The following DOK5 variants were observed in gnomAD, a reference collection of about 807,000 sequenced individuals.
DOK5 encodes docking protein 5, also known as downstream of tyrosine kinase 5.
A neutral mutation model predicts 43.3 loss-of-function variants in DOK5; 27 were observed. The observed-to-expected ratio is 0.62, with a 90% CI of 0.46 to 0.86. The LOEUF (loss-of-function observed/expected upper bound fraction) is 0.86, where lower values mean the gene tolerates loss of function less well. Ranked by LOEUF, DOK5 falls within the 40% of genes least tolerant of loss-of-function variation. The pLI is 0.00. For missense variants in DOK5, 373 were observed against 392.9 expected, an observed-to-expected ratio of 0.95 and a Z score of 0.43; for synonymous variants, 146 against 140.1, an observed-to-expected ratio of 1.04 and a Z score of -0.30.
At chr20:54,572,552 C>G (rs1985317887) in intron 2 of DOK5, among the ~76,000 whole-genome samples, 1 of 152,062 alleles carries the variant, frequency 6.6e-6, no homozygotes, top group Admixed American at 6.6e-5. Context: ...ATGAGGTGTT[C>G]AGAACGTAAT....
rs1982246901 is a variant in DOK5, at chr20:54,492,941, G to GC, written c.66+16929_66+16930insC. Reference sequence around the variant, plus strand: ...GTGGTGGCGGGCGCCTGTAATCCCAGTTACTCGAAAGGCTGAGGCAGGAGA... The same window carrying GC: ...GTGGTGGCGGGCGCCTGTAATCCCAGCTTACTCGAAAGGCTGAGGCAGGAGA... On this transcript the variant is annotated intron_variant, in intron 1 of 7. Transcript: ENST00000262593. 5.3e-5 allele frequency among the ~76,000 whole-genome samples: 8 copies of GC among 151,138 alleles called. No individual in the cohort carries two copies. In the South Asian group the frequency reaches 1.7e-3, roughly 32 times the overall value.
rs1053521118 is a variant in DOK5 at position 54,651,045 on chromosome 20, T to C, written c.*566T>C. 2.6e-5 allele frequency: 4 copies of C among 152,288 alleles called. No individual in the cohort carries two copies. Among genetic ancestry groups the C allele is most frequent in the African/African-American group, 9.6e-5 (4 of 41,462 alleles). 9.4% of individuals were successfully genotyped at this position (152,288 alleles called of 1,614,324 possible). A position where few individuals can be genotyped will look rare whatever the true frequency, so the allele number is the denominator to read the frequency against. On this transcript the variant is annotated 3_prime_UTR_variant, in exon 8 of 8. Coordinates refer to ENST00000262593, the MANE Select transcript of DOK5 (RefSeq NM_018431.5). Reference sequence around the variant, plus strand: ...ATTTGTTCAAAGAACCCGTTAGTGTTGTTTACAGGGTTACAGTTTCTCTCA... The same window carrying C: ...ATTTGTTCAAAGAACCCGTTAGTGTCGTTTACAGGGTTACAGTTTCTCTCA...
At chr20:54,502,642 T>C (rs1381962286) in intron 1 of DOK5, among the ~76,000 whole-genome samples, 1 of 152,184 alleles carries the variant, frequency 6.6e-6, no homozygotes, top group Non-Finnish European at 1.5e-5. Flanking sequence ...ATATGTCATG[T>C]GTGTGTACAC....
At chr20:54,503,168 T>C (rs2146679880) in intron 1 of DOK5, among the ~76,000 whole-genome samples, 1 of 152,332 alleles carries the variant, frequency 6.6e-6, no homozygotes, top group Non-Finnish European at 1.5e-5. Context: ...GAAAGCAGGC[T>C]AATTAATATA....
At chr20:54,525,483 A>G (rs534025685) in intron 1 of DOK5, among the ~76,000 whole-genome samples, 1 of 152,318 alleles carries the variant, frequency 6.6e-6, no homozygotes, top group Non-Finnish European at 1.5e-5. Flanking sequence ...TTATTACTGC[A>G]CTTTATTTCT....
intron 1 of DOK5, among the ~76,000 whole-genome samples, chr20:54,492,686 TTGTGTGTGTGTGTG>T (rs34741362): frequency 7.1e-5 from 10 of 141,090 alleles, no homozygotes; most frequent in Admixed American, 1.4e-4. Flanking sequence ...GAGTGTGGCT[TTGTGTGTGTGTGTG>T]TGTGTGTGTG....
intron 1 of DOK5, among the ~76,000 whole-genome samples, chr20:54,517,820 T>C (rs1008798197): frequency 6.6e-6 from 1 of 152,228 alleles, no homozygotes; most frequent in Non-Finnish European, 1.5e-5. Flanking sequence ...CATTTATCTT[T>C]TCATCATGTG....
chr20:54,598,597 C>G (rs1011223433), intron 5 of DOK5, among the ~76,000 whole-genome samples: 4 of 152,188 alleles, frequency 2.6e-5, no homozygotes, highest in African/African-American at 9.7e-5. Context: ...AATTAATACC[C>G]TGGGTTTCGC....
At chr20:54,584,772 T>TAC (rs1303296109) in intron 2 of DOK5, among the ~76,000 whole-genome samples, 4 of 132,556 alleles carry the variant, frequency 3.0e-5, no homozygotes, top group Admixed American at 1.4e-4. Flanking sequence ...TATATCTAGA[T>TAC]ATACACACAC....
intron 6 of DOK5, among the ~76,000 whole-genome samples, chr20:54,632,692 T>C (rs73146075): frequency 0.035 from 5,292 of 152,312 alleles, 138 homozygotes; most frequent in Non-Finnish European, 0.049. Context: ...AGAATGATTG[T>C]TCTAAAGGTA....
At chr20:54,510,113 T>C (rs1982965519) in intron 1 of DOK5, among the ~76,000 whole-genome samples, 1 of 152,134 alleles carries the variant, frequency 6.6e-6, no homozygotes, top group African/African-American at 2.4e-5. Flanking sequence ...GAACTAAAAA[T>C]AAGAATTAAA....
In DOK5 at chr20:54,588,696, C is replaced by G; in HGVS notation, c.299C>G (p.Ala100Gly). 1 of 1,614,044 alleles carries G rather than the reference C, an allele frequency of 6.2e-7. No individual in the cohort carries two copies. The highest frequency in any genetic ancestry group is 8.5e-7 in the Non-Finnish European group (1 of 1,179,970). ...KTFACESDLE[A>G]DEWCKVLQME... Reference sequence around the variant, plus strand: ...TTTGACATTTCCACAGATCTTGAGGCTGATGAGTGGTGCAAAGTACTCCAG... The same window carrying G: ...TTTGACATTTCCACAGATCTTGAGGGTGATGAGTGGTGCAAAGTACTCCAG... Residue 100 changes from alanine to glycine, a missense_variant, in exon 4 of 8, where the codon GCT (alanine) becomes GGT (glycine). Coordinates refer to ENST00000262593, the MANE Select transcript of DOK5 (RefSeq NM_018431.5).
intron 6 of DOK5, among the ~76,000 whole-genome samples, chr20:54,641,216 G>A (rs6023443): frequency 0.35 from 52,786 of 151,984 alleles, 11,120 homozygotes; most frequent in African/African-American, 0.59. Flanking sequence ...CTAATCCTGT[G>A]TGATTCCACT....
At chr20:54,560,612 A>T (rs1984867383) in intron 2 of DOK5, among the ~76,000 whole-genome samples, 1 of 152,018 alleles carries the variant, frequency 6.6e-6, no homozygotes, top group Admixed American at 6.6e-5. Context: ...TTCCTACCCA[A>T]GCTTGGTTTC....
chr20:54,623,401 A>T (rs1352411630), intron 6 of DOK5, among the ~76,000 whole-genome samples: 2 of 152,118 alleles, frequency 1.3e-5, no homozygotes, highest in Admixed American at 6.5e-5. Context: ...AATATCGCTT[A>T]TGAGCTGTGC....
chr20:54,535,706 C>A (rs1476712082), intron 1 of DOK5, among the ~76,000 whole-genome samples: 2 of 152,006 alleles, frequency 1.3e-5, no homozygotes, highest in African/African-American at 4.8e-5. Context: ...CCAGCAGAGC[C>A]CTTCTCCATG....
At position 54,621,446 on chromosome 20, in the gene DOK5, C is replaced by T. The variant is rs185365629; in HGVS notation, c.735+10923C>T. ...GTGGCTCACGCCTGTAATCCCAGCA[C>T]TTTGGAAGGCTGAAGCGGGCAGATC... On this transcript the variant is annotated intron_variant, in intron 6 of 7. Transcript: ENST00000262593. Among the ~76,000 whole-genome samples the T allele has an allele frequency of 7.2e-5, 11 of 152,284 alleles. No homozygotes were observed. In the East Asian group the frequency reaches 2.1e-3, roughly 29 times the overall value.
At chr20:54,538,207 T>G (rs909424202) in intron 1 of DOK5, among the ~76,000 whole-genome samples, 2 of 146,444 alleles carry the variant, frequency 1.4e-5, no homozygotes, top group Non-Finnish European at 3.0e-5. Context: ...ATTATGCACT[T>G]TTTTTTTTTT....
At position 54,489,228 on chromosome 20, in the gene DOK5, T is replaced by C. The variant is rs1283922340; in HGVS notation, c.66+13216T>C. On this transcript the variant is annotated intron_variant, in intron 1 of 7. Transcript: ENST00000262593. ...TAAAATTAAATTTTATTTGAATTCT[T>C]TTGGAGTAGGTAATATGTACCCTTG... Among the ~76,000 whole-genome samples the C allele has an allele frequency of 2.0e-5, 3 of 152,356 alleles. No homozygotes were observed. The East Asian group carries it at 5.8e-4, about 29-fold the overall frequency.
Sources: allele counts gnomAD v4.1 joint callset (sites outside exome capture counted in the v4.1 genomes callset), GRCh38; gene constraint gnomAD v4.1.1; transcripts MANE v1.5; gene names NCBI Gene and HGNC (gene_info 2026-07-23, HGNC 2026-07-21).